The following SGIP1 variants were observed in gnomAD, a reference collection of about 807,000 sequenced individuals.
The protein encoded by SGIP1 is SH3GL interacting endocytic adaptor 1.
SGIP1 carries 38 observed loss-of-function variants against 107.5 expected under a neutral mutation model. The observed-to-expected ratio is 0.35, with a 90% CI of 0.27 to 0.46. The LOEUF (loss-of-function observed/expected upper bound fraction) is 0.46. Among genes scored for constraint, SGIP1 ranks in the 20% least tolerant of loss-of-function variants. The pLI is 1.00. For synonymous variants in SGIP1, 365 were observed against 366.1 expected, an observed-to-expected ratio of 1.00 and a Z score of 0.03; for missense variants, 929 against 1,019.5, an observed-to-expected ratio of 0.91 and a Z score of 1.21.
Position 66,739,557 on chromosome 1 carries a change from C to T in SGIP1, c.2234+20C>T. 3.7e-6 allele frequency: 6 copies of T among 1,612,566 alleles called. No homozygotes were observed. In the South Asian group the frequency reaches 4.4e-5, roughly 12 times the overall value. The stretch of plus-strand genomic sequence containing the variant: ...AGTCTGGTATGAAGCCTCCTATTCT[C>T]TCCACCAAAGGGCTCCTCTGGGTCA... On this transcript the variant is annotated intron_variant, in intron 22 of 24. Coordinates refer to ENST00000371037, the MANE Select transcript of SGIP1 (RefSeq NM_032291.4).
intron 7 of SGIP1, among the ~76,000 whole-genome samples, chr1:66,656,644 T>C (rs2079852270): frequency 6.6e-6 from 1 of 152,200 alleles, no homozygotes; most frequent in Non-Finnish European, 1.5e-5. Flanking sequence ...TTATTACTGA[T>C]TATCTTTCTC....
At chr1:66,588,609 A>C (rs1356007917) in intron 1 of SGIP1, among the ~76,000 whole-genome samples, 1 of 150,386 alleles carries the variant, frequency 6.6e-6, no homozygotes, top group East Asian at 1.9e-4. Context: ...TACTTGAAGA[A>C]GTTAATTTTT....
intron 1 of SGIP1, among the ~76,000 whole-genome samples, chr1:66,538,145 ACTT>A (rs146871615): frequency 3.1e-3 from 478 of 152,288 alleles, no homozygotes; most frequent in African/African-American, 0.011. Flanking sequence ...AACACTAAGA[ACTT>A]CTTCTTTTCC....
intron 2 of SGIP1, chr1:66,626,133 CTTTCTT>C: frequency 1.3e-5 from 2 of 155,480 alleles, no homozygotes; most frequent in Non-Finnish European, 1.2e-5. Flanking sequence ...ATTTTTCTTT[CTTTCTT>C]TTTTTTTTTT....
intron 1 of SGIP1, among the ~76,000 whole-genome samples, chr1:66,563,426 G>A (rs2148483744): frequency 6.6e-6 from 1 of 152,130 alleles, no homozygotes; most frequent in East Asian, 1.9e-4. Context: ...ACCAAGACAA[G>A]AGAAGAGAGT....
At chr1:66,695,333 C>T (rs2090695806) in intron 17 of SGIP1, 101 bp from the exon 18 acceptor site, 2 of 1,600,626 alleles carry the variant, frequency 1.2e-6, no homozygotes, top group Admixed American at 1.7e-5. Context: ...CTCCACCCTT[C>T]CCTATAGTGA....
At chr1:66,671,913 G>A (rs1397936915) in intron 10 of SGIP1, 31 bp from the exon 11 acceptor site, 5 of 1,610,838 alleles carry the variant, frequency 3.1e-6, no homozygotes, top group African/African-American at 1.3e-5. Flanking sequence ...GTAAAAATTT[G>A]TCTAAAAAGT....
At chr1:66,580,153 C>T (rs1173905640) in intron 1 of SGIP1, among the ~76,000 whole-genome samples, 1 of 152,116 alleles carries the variant, frequency 6.6e-6, no homozygotes, top group Non-Finnish European at 1.5e-5. Flanking sequence ...GATCATGTCA[C>T]ATATTTTCAA....
intron 18 of SGIP1, among the ~76,000 whole-genome samples, chr1:66,715,390 G>A (rs1319945632): frequency 6.6e-6 from 1 of 151,914 alleles, no homozygotes; most frequent in Non-Finnish European, 1.5e-5. Flanking sequence ...CTGTGTTTCT[G>A]CTTCCCTGGC....
chr1:66,693,794 G>A (rs1003008087), intron 17 of SGIP1, among the ~76,000 whole-genome samples: 1 of 152,198 alleles, frequency 6.6e-6, no homozygotes, highest in African/African-American at 2.4e-5. Flanking sequence ...AAGACATTCA[G>A]ACACAGCTGG....
chr1:66,673,219 T>A (rs1297460668), intron 11 of SGIP1, 62 bp from the exon 12 acceptor site: 4 of 1,509,626 alleles, frequency 2.6e-6, no homozygotes, highest in East Asian at 2.3e-5. Context: ...AGCTTGTATA[T>A]CTTTTTGAGT....
chr1:66,615,818 G>A (rs973616113), intron 1 of SGIP1: 1 of 152,318 alleles, frequency 6.6e-6, no homozygotes, highest in Admixed American at 6.5e-5. Context: ...GTGAGAAAAT[G>A]GAGGAGAGAA....
chr1:66,615,345 C>T (rs2069001208), intron 1 of SGIP1, among the ~76,000 whole-genome samples: 10 of 152,102 alleles, frequency 6.6e-5, no homozygotes, highest in Admixed American at 3.9e-4. Flanking sequence ...TTTGGCCAAA[C>T]TGTTCTCGAA....
intron 18 of SGIP1, among the ~76,000 whole-genome samples, chr1:66,703,339 A>G (rs1466052098): frequency 6.6e-6 from 1 of 152,178 alleles, no homozygotes; most frequent in African/African-American, 2.4e-5. Context: ...AACGGGAGCA[A>G]CATTTATACC....
At chr1:66,584,992 C>T (rs191655097) in intron 1 of SGIP1, among the ~76,000 whole-genome samples, 1 of 152,322 alleles carries the variant, frequency 6.6e-6, no homozygotes, top group Non-Finnish European at 1.5e-5. Flanking sequence ...TAAATTCTTA[C>T]TCTTTCCCTT....
Position 66,748,899 on chromosome 1 carries a change from A to AT in SGIP1, c.*5810dup, listed in dbSNP as rs142774668. On this transcript the variant is annotated 3_prime_UTR_variant, in exon 25 of 25. Transcript: ENST00000371037. ...AAAGTTATTGAATCAGGTAAAAAAA[A>AT]TTTTTTCTAAGCACACCTTGAGAAA... 0.018 allele frequency among the ~76,000 whole-genome samples: 2,662 copies of AT among 151,996 alleles called. 81 individuals are homozygous for AT. Among genetic ancestry groups the AT allele is most frequent in the African/African-American group, 0.062 (2,574 of 41,520 alleles).
At chr1:66,631,367 T>C (rs1235043657) in intron 2 of SGIP1, among the ~76,000 whole-genome samples, 3 of 152,226 alleles carry the variant, frequency 2.0e-5, no homozygotes, top group African/African-American at 7.2e-5. Flanking sequence ...AATAAAATTT[T>C]TTCAAACTGG....
intron 7 of SGIP1, among the ~76,000 whole-genome samples, chr1:66,659,948 G>GAAAGAAAAAAAAGAAAGAAA (rs370051468): frequency 5.7e-5 from 2 of 35,044 alleles, no homozygotes; most frequent in African/African-American, 2.6e-4. Flanking sequence ...GAAAAAGAAA[G>GAAAGAAAAAAAAGAAAGAAA]AAAAAGAAAG....
intron 21 of SGIP1, 109 bp downstream of exon 21, chr1:66,733,989 A>C: frequency 1.6e-6 from 2 of 1,242,294 alleles, no homozygotes; most frequent in Non-Finnish European, 2.1e-6. Flanking sequence ...AACAGTATTT[A>C]AAAGCTATAA....
Sources: allele counts gnomAD v4.1 joint callset (sites outside exome capture counted in the v4.1 genomes callset), GRCh38; gene constraint gnomAD v4.1.1; transcripts MANE v1.5; gene names NCBI Gene and HGNC (gene_info 2026-07-23, HGNC 2026-07-21).